IL15: variants seen among roughly 807,000 people sequenced by gnomAD.
IL15 encodes interleukin 15.
In IL15, 11 loss-of-function variants were observed where a neutral mutation model predicts 19.6. The ratio of observed to expected loss-of-function variants is 0.56; its 90% confidence interval spans 0.35 to 0.93. IL15 has a LOEUF of 0.93. IL15 is among the 40% of genes least tolerant of loss of function. IL15 has a pLI of 0.01. For missense variants in IL15, 197 were observed against 186.5 expected (o/e 1.06, Z -0.33); for synonymous variants, 58 against 59.6 (o/e 0.97, Z 0.12).
At chr4:141,651,651 A>G (rs1043294143) in intron 1 of IL15, among the ~76,000 whole-genome samples, 3 of 152,152 alleles carry the variant, frequency 2.0e-5, no homozygotes, top group African/African-American at 4.8e-5. Context: ...AGTATGTTTT[A>G]TAACTGAATA....
intron 2 of IL15, among the ~76,000 whole-genome samples, chr4:141,701,314 G>T (rs1226125873): frequency 4.0e-5 from 6 of 150,938 alleles, no homozygotes; most frequent in Non-Finnish European, 7.4e-5. Flanking sequence ...TCCCTCTTAA[G>T]GATCTGACTT....
At chr4:141,678,321 A>T (rs902927898) in intron 2 of IL15, among the ~76,000 whole-genome samples, 8 of 152,206 alleles carry the variant, frequency 5.3e-5, no homozygotes, top group African/African-American at 1.7e-4. Flanking sequence ...GAACGTACTT[A>T]AAAAACTTGG....
At chr4:141,709,098 T>G (rs935117048) in intron 2 of IL15, among the ~76,000 whole-genome samples, 3 of 144,832 alleles carry the variant, frequency 2.1e-5, no homozygotes, top group African/African-American at 8.0e-5. Context: ...ATTGAAAAAT[T>G]TCAATATTAT....
intron 2 of IL15, chr4:141,718,983 T>C (rs548584780): frequency 6.6e-6 from 1 of 152,670 alleles, no homozygotes; most frequent in African/African-American, 2.4e-5. Context: ...GCTGTAGAAA[T>C]GGCTACTGCT....
At chr4:141,677,061 G>C (rs765947862) in intron 2 of IL15, among the ~76,000 whole-genome samples, 1 of 152,200 alleles carries the variant, frequency 6.6e-6, no homozygotes, top group Non-Finnish European at 1.5e-5. Context: ...AAACTAAAGT[G>C]AACAGTGGAA....
chr4:141,689,554 G>C (rs1728836985), intron 2 of IL15, among the ~76,000 whole-genome samples: 1 of 152,036 alleles, frequency 6.6e-6, no homozygotes, highest in South Asian at 2.1e-4. Flanking sequence ...TAGATACAGA[G>C]TGCCGATTGG....
chr4:141,720,670 TCTAGGTA>T, intron 4 of IL15, 104 bp downstream of exon 4: 1 of 744,682 alleles, frequency 1.3e-6, no homozygotes, highest in South Asian at 1.5e-5. Context: ...TGCTTATATC[TCTAGGTA>T]CTCAGTATCT....
At chr4:141,666,081 ATTAT>A (rs10530521) in intron 2 of IL15, among the ~76,000 whole-genome samples, 110 of 143,390 alleles carry the variant, frequency 7.7e-4, no homozygotes, top group African/African-American at 1.6e-3. Context: ...CTTTTTATTT[ATTAT>A]TTATTTATTT....
intron 4 of IL15, chr4:141,721,120 C>T: frequency 1.3e-6 from 2 of 1,527,994 alleles, no homozygotes; most frequent in Non-Finnish European, 1.8e-6. Context: ...ATCTGACTCT[C>T]AGTTCAGTTT....
At chr4:141,699,086 C>CA (rs1216218602) in intron 2 of IL15, among the ~76,000 whole-genome samples, 42 of 152,004 alleles carry the variant, frequency 2.8e-4, no homozygotes, top group Admixed American at 2.8e-3. Context: ...ATTGTTAAGC[C>CA]AAAAATCATT....
intron 2 of IL15, among the ~76,000 whole-genome samples, chr4:141,660,791 T>C (rs777624104): frequency 6.6e-6 from 1 of 152,242 alleles, no homozygotes; most frequent in Non-Finnish European, 1.5e-5. Flanking sequence ...TATTTTTGAA[T>C]AAATTTTGTC....
chr4:141,644,353 A>G (rs994292656), intron 1 of IL15, among the ~76,000 whole-genome samples: 2 of 152,100 alleles, frequency 1.3e-5, no homozygotes, highest in African/African-American at 4.8e-5. Flanking sequence ...ATTTATCGTG[A>G]TCTTGTAATC....
At chr4:141,691,833 T>C (rs1346402055) in intron 2 of IL15, among the ~76,000 whole-genome samples, 2 of 152,170 alleles carry the variant, frequency 1.3e-5, no homozygotes. Flanking sequence ...AAGCTGTCAG[T>C]GGATCTATCT....
intron 2 of IL15, among the ~76,000 whole-genome samples, chr4:141,669,382 T>A (rs886226325): frequency 1.3e-5 from 2 of 152,002 alleles, no homozygotes. Flanking sequence ...TCATTAGGAG[T>A]ATATTAAGAG....
At chr4:141,670,941 GT>G (rs1184445348) in intron 2 of IL15, among the ~76,000 whole-genome samples, 3 of 152,116 alleles carry the variant, frequency 2.0e-5, no homozygotes, top group Non-Finnish European at 4.4e-5. Flanking sequence ...ACGTTGGAGG[GT>G]CTGGGCTCAT....
chr4:141,709,415 G>T (rs991051644), intron 2 of IL15, among the ~76,000 whole-genome samples: 5 of 152,146 alleles, frequency 3.3e-5, no homozygotes, highest in African/African-American at 1.2e-4. Context: ...CCTAGGCATT[G>T]GTTTGCTGGA....
chr4:141,682,741 G>A (rs1259615498), intron 2 of IL15, among the ~76,000 whole-genome samples: 1 of 152,102 alleles, frequency 6.6e-6, no homozygotes, highest in Non-Finnish European at 1.5e-5. Flanking sequence ...TGGTTCACGA[G>A]GTCAGGAGTT....
chr4:141,695,006 C>T (rs1355609966), intron 2 of IL15, among the ~76,000 whole-genome samples: 2 of 152,142 alleles, frequency 1.3e-5, no homozygotes, highest in East Asian at 3.9e-4. Flanking sequence ...TACTGTAGCA[C>T]CTTCCAATTT....
At chr4:141,688,658 G>T (rs180770624) in intron 2 of IL15, among the ~76,000 whole-genome samples, 288 of 152,236 alleles carry the variant, frequency 1.9e-3, no homozygotes, top group Middle Eastern at 0.014. Flanking sequence ...CATGGTTTTA[G>T]ACCATTGCAT....
Sources: allele counts gnomAD v4.1 joint callset (sites outside exome capture counted in the v4.1 genomes callset), GRCh38; gene constraint gnomAD v4.1.1; transcripts MANE v1.5; gene names NCBI Gene and HGNC (gene_info 2026-07-23, HGNC 2026-07-21).